ARHGEF9: variants seen among roughly 807,000 people sequenced by gnomAD.
ARHGEF9 encodes Cdc42 guanine nucleotide exchange factor 9, also known as rho guanine nucleotide exchange factor 9.
In ARHGEF9, 2 loss-of-function variants were observed where a neutral mutation model predicts 41.3. The observed-to-expected ratio is 0.05, with a 90% confidence interval of 0.02 to 0.15. The LOEUF (loss-of-function observed/expected upper bound fraction) is 0.15, where lower values mean the gene tolerates loss of function less well. Ranked by LOEUF, ARHGEF9 falls within the 10% of genes least tolerant of loss-of-function variation. The pLI is 1.00. For missense variants in ARHGEF9, 225 were observed against 424.7 expected (o/e 0.53, Z 4.13); for synonymous variants, 160 against 154.4 (o/e 1.04, Z -0.27).
intron 3 of ARHGEF9, among the ~76,000 whole-genome samples, chrX:63,701,797 G>A (rs1482368385): frequency 8.9e-6 from 1 of 111,936 alleles, no homozygotes; most frequent in East Asian, 2.8e-4. Flanking sequence ...AATGGGCAAA[G>A]TATAGGAACA....
chrX:63,744,304 G>A (rs1368462828), intron 1 of ARHGEF9, among the ~76,000 whole-genome samples: 2 of 112,336 alleles, frequency 1.8e-5, no homozygotes, highest in African/African-American at 3.2e-5. Flanking sequence ...ACAGTGGCTT[G>A]CACATCTTGC....
At chrX:63,778,640 G>A (rs1339752687) in intron 1 of ARHGEF9, among the ~76,000 whole-genome samples, 1 of 112,171 alleles carries the variant, frequency 8.9e-6, no homozygotes, top group Non-Finnish European at 1.9e-5. Context: ...ATATCTGTGT[G>A]AATTAATAAA....
chrX:63,752,018 A>G (rs1247949629), intron 1 of ARHGEF9, among the ~76,000 whole-genome samples: 2 of 111,873 alleles, frequency 1.8e-5, no homozygotes, highest in Admixed American at 1.9e-4. Context: ...TGGGGGAAAA[A>G]AAGTCAAAAA....
At chrX:63,670,873 C>A (rs1424969816) in intron 6 of ARHGEF9, among the ~76,000 whole-genome samples, 18 of 111,794 alleles carry the variant, frequency 1.6e-4, no homozygotes, top group Non-Finnish European at 1.9e-4. Flanking sequence ...GGGATAATAA[C>A]CAGAGTTGGG....
At chrX:63,740,987 T>A (rs2054918065) in intron 1 of ARHGEF9, among the ~76,000 whole-genome samples, 2 of 112,425 alleles carry the variant, frequency 1.8e-5, no homozygotes, top group Non-Finnish European at 3.8e-5. Flanking sequence ...CCCAAAGGGA[T>A]CTCCCGCTTA....
chrX:63,746,915 C>T (rs1275503400), intron 1 of ARHGEF9, among the ~76,000 whole-genome samples: 1 of 111,835 alleles, frequency 8.9e-6, no homozygotes, highest in African/African-American at 3.3e-5. Context: ...CGTGTTCATA[C>T]AGTCTCCTTT....
At chrX:63,646,333 G>C (rs2048064952) in intron 8 of ARHGEF9, among the ~76,000 whole-genome samples, 1 of 111,882 alleles carries the variant, frequency 8.9e-6, no homozygotes, top group Admixed American at 9.5e-5. Context: ...ATACTGCCTA[G>C]GTTTTCTTCT....
At chrX:63,677,594 G>C (rs1413671947) in intron 5 of ARHGEF9, among the ~76,000 whole-genome samples, 5 of 111,317 alleles carry the variant, frequency 4.5e-5, no homozygotes, top group Non-Finnish European at 9.4e-5. Flanking sequence ...GTCACTCTGA[G>C]AAAGGGCAGA....
At chrX:63,696,934 A>G (rs1213974621) in intron 4 of ARHGEF9, among the ~76,000 whole-genome samples, 191 bp downstream of exon 4, 1 of 111,682 alleles carries the variant, frequency 9.0e-6, no homozygotes, top group Non-Finnish European at 1.9e-5. Flanking sequence ...CTTAACATTT[A>G]TAGGGCAAAT....
chrX:63,654,867 G>A (rs1378672568), intron 8 of ARHGEF9, among the ~76,000 whole-genome samples: 1 of 111,883 alleles, frequency 8.9e-6, no homozygotes, highest in Non-Finnish European at 1.9e-5. Context: ...AGCCAATGGC[G>A]TCTAAATCCC....
chrX:63,683,675 G>T (rs2050798715), intron 4 of ARHGEF9, among the ~76,000 whole-genome samples: 1 of 111,502 alleles, frequency 9.0e-6, no homozygotes, highest in Non-Finnish European at 1.9e-5. Flanking sequence ...AGAATAGAGA[G>T]TCCAGAAATA....
intron 8 of ARHGEF9, among the ~76,000 whole-genome samples, chrX:63,644,930 T>C (rs1160361859): frequency 9.2e-6 from 1 of 108,842 alleles, no homozygotes; most frequent in Non-Finnish European, 1.9e-5. Flanking sequence ...CACACCTGGC[T>C]AATTGTTTTT....
In ARHGEF9 at chrX:63,637,481, G is replaced by A. The variant is rs781899086; in HGVS notation, c.*547C>T. ...ATTGGCTGAAGGAGAGGAGAAAGGAGCTCATTCCCTTCCTCAATGGAAAGT... is the reference window on the plus strand; with the variant it reads ...ATTGGCTGAAGGAGAGGAGAAAGGAACTCATTCCCTTCCTCAATGGAAAGT... On this transcript the variant is annotated 3_prime_UTR_variant, in exon 10 of 10. Transcript: ENST00000671741. 4 of 284,183 alleles carry A rather than the reference G, an allele frequency of 1.4e-5. No homozygotes were observed. Among genetic ancestry groups the A allele is most frequent in the African/African-American group, 1.1e-4 (4 of 35,775 alleles). 23.4% of individuals were successfully genotyped at this position (284,183 alleles called of 1,213,427 possible). A position where few individuals can be genotyped will look rare whatever the true frequency, so the allele number is the denominator to read the frequency against.
At chrX:63,734,993 C>G (rs781801288) in intron 1 of ARHGEF9, among the ~76,000 whole-genome samples, 1 of 111,158 alleles carries the variant, frequency 9.0e-6, no homozygotes, top group African/African-American at 3.3e-5. Context: ...TGACCTTCAC[C>G]CATCTGTTGA....
At position 63,704,171 on chromosome X, in the gene ARHGEF9, C is replaced by T. The variant is rs2052379041; in HGVS notation, c.402+2087G>A. ...CCTGACTTAGATCTTGACAGCATCC[C>T]TCAGCTACCAAGCGAAGAATAGATT... On this transcript the variant is annotated intron_variant, in intron 3 of 9. Transcript: ENST00000671741. Among the ~76,000 whole-genome samples the T allele has an allele frequency of 4.5e-5, 5 of 111,886 alleles. No homozygotes were observed. In the Admixed American group the frequency reaches 4.7e-4, roughly 11 times the overall value.
intron 4 of ARHGEF9, among the ~76,000 whole-genome samples, chrX:63,692,041 A>G (rs1365890170): frequency 2.7e-5 from 3 of 111,940 alleles, no homozygotes; most frequent in Non-Finnish European, 5.6e-5. Flanking sequence ...CTCTCACCAT[A>G]TGAAAAAATA....
intron 1 of ARHGEF9, among the ~76,000 whole-genome samples, chrX:63,744,154 G>C (rs782365395): frequency 3.6e-5 from 4 of 112,322 alleles, no homozygotes; most frequent in Non-Finnish European, 7.5e-5. Flanking sequence ...AATCTTTATA[G>C]AGGGCTTACT....
rs1485819040 is a variant in ARHGEF9, at chrX:63,721,312, A to G, written c.210+3220T>C. On this transcript the variant is annotated intron_variant, in intron 2 of 9. Coordinates refer to ENST00000671741, the MANE Select transcript of ARHGEF9 (RefSeq NM_001353921.2). ...AAGAAATGATGGTAATGATTGGCTTAGGTGATCCTTTCATCTCCATACTTC... is the reference window on the plus strand; with the variant it reads ...AAGAAATGATGGTAATGATTGGCTTGGGTGATCCTTTCATCTCCATACTTC... 3.6e-5 allele frequency among the ~76,000 whole-genome samples: 4 copies of G among 111,711 alleles called. No homozygotes were observed. The Admixed American group carries it at 3.8e-4, about 11-fold the overall frequency.
chrX:63,699,875 C>T (rs781888066), intron 3 of ARHGEF9, among the ~76,000 whole-genome samples: 2 of 112,070 alleles, frequency 1.8e-5, no homozygotes, highest in Non-Finnish European at 3.8e-5. Context: ...GATTACAACT[C>T]TGTAAATATA....
Sources: allele counts gnomAD v4.1 joint callset (sites outside exome capture counted in the v4.1 genomes callset), GRCh38; gene constraint gnomAD v4.1.1; transcripts MANE v1.5; gene names NCBI Gene and HGNC (gene_info 2026-07-23, HGNC 2026-07-21).